Variants in TFDP2 observed in about 807,000 individuals in gnomAD.
The protein encoded by TFDP2 is transcription factor Dp-2.
TFDP2 carries 17 observed loss-of-function variants against 59.3 expected under a neutral mutation model. That is an observed-to-expected ratio of 0.29 (90% CI 0.20 to 0.43). TFDP2 has a LOEUF of 0.43. Among genes scored for constraint, TFDP2 ranks in the 20% least tolerant of loss-of-function variants. TFDP2 has a pLI of 1.00. For missense variants in TFDP2, 391 were observed against 528.8 expected (o/e 0.74, Z 2.56); for synonymous variants, 180 against 194.7 (o/e 0.92, Z 0.63).
intron 10 of TFDP2, among the ~76,000 whole-genome samples, chr3:141,962,518 C>T (rs1937494314): frequency 6.6e-6 from 1 of 152,102 alleles, no homozygotes; most frequent in South Asian, 2.1e-4. Flanking sequence ...GCCACCAAGC[C>T]TGGCTAATTT....
At chr3:142,022,314 C>T (rs1945678882) in intron 3 of TFDP2, among the ~76,000 whole-genome samples, 1 of 152,222 alleles carries the variant, frequency 6.6e-6, no homozygotes, top group African/African-American at 2.4e-5. Context: ...TCTGGTAAGA[C>T]TCTTTGTTCA....
intron 2 of TFDP2, among the ~76,000 whole-genome samples, chr3:142,096,223 G>A (rs1226516538): frequency 6.6e-6 from 1 of 152,060 alleles, no homozygotes; most frequent in Admixed American, 6.6e-5. Context: ...TGTATTTAAA[G>A]CTTATATATA....
chr3:142,108,268 G>A (rs1399527144), intron 1 of TFDP2, among the ~76,000 whole-genome samples: 1 of 151,348 alleles, frequency 6.6e-6, no homozygotes, highest in African/African-American at 2.4e-5. Context: ...GGACTGCAGT[G>A]GCGTGATCTT....
chr3:142,045,612 C>T, intron 3 of TFDP2, among the ~76,000 whole-genome samples: 1 of 132,000 alleles, frequency 7.6e-6, no homozygotes. Context: ...TATTATTTGA[C>T]TTTTTTTTTT....
intron 6 of TFDP2, among the ~76,000 whole-genome samples, chr3:141,989,994 A>T (rs1942579447): frequency 6.6e-6 from 1 of 151,826 alleles, no homozygotes; most frequent in African/African-American, 2.4e-5. Context: ...CCTGGGTTCA[A>T]GCAATTCTTG....
intron 3 of TFDP2, among the ~76,000 whole-genome samples, chr3:142,015,960 A>G (rs990163384): frequency 1.3e-5 from 2 of 152,184 alleles, no homozygotes; most frequent in African/African-American, 4.8e-5. Flanking sequence ...AAACTATAAA[A>G]TATCTGACTA....
intron 4 of TFDP2, among the ~76,000 whole-genome samples, chr3:142,003,904 T>C (rs895258784): frequency 1.3e-5 from 2 of 152,172 alleles, no homozygotes; most frequent in Non-Finnish European, 2.9e-5. Flanking sequence ...AATTGGGGTA[T>C]AGCAGCATTA....
At chr3:141,969,791 C>CA (rs1411836870) in intron 9 of TFDP2, among the ~76,000 whole-genome samples, 2 of 152,200 alleles carry the variant, frequency 1.3e-5, no homozygotes, top group Non-Finnish European at 2.9e-5. Context: ...AGACCCCTGA[C>CA]AGTTTATGTT....
chr3:142,099,386 T>C (rs2061256052), intron 2 of TFDP2, among the ~76,000 whole-genome samples: 1 of 152,122 alleles, frequency 6.6e-6, no homozygotes, highest in African/African-American at 2.4e-5. Context: ...TGTAGTCCCA[T>C]TGCTTTACAA....
Position 141,983,585 on chromosome 3 carries a change from C to T in TFDP2, c.357-4903G>A, listed in dbSNP as rs539755621. Among the ~76,000 whole-genome samples, 52 of 149,470 alleles carry T rather than the reference C, an allele frequency of 3.5e-4. No homozygotes were observed. In the South Asian group the frequency reaches 0.01, roughly 30 times the overall value. ...CCTGGGAGGCAAAGGTTGCAGTTCA[C>T]GCCATCACACGCCAGCCTGGGAGTG... is the stretch of plus-strand genomic sequence containing the variant. On this transcript the variant is annotated intron_variant, in intron 6 of 12. Coordinates refer to ENST00000489671, the MANE Select transcript of TFDP2 (RefSeq NM_001178139.2).
intron 8 of TFDP2, among the ~76,000 whole-genome samples, chr3:141,971,579 C>T (rs11569243): frequency 0.075 from 11,456 of 151,772 alleles, 571 homozygotes; most frequent in African/African-American, 0.14. Context: ...TTTATAGGAG[C>T]CCATTGGTTT....
intron 3 of TFDP2, among the ~76,000 whole-genome samples, chr3:142,087,487 T>C (rs2060838594): frequency 6.6e-6 from 1 of 151,834 alleles, no homozygotes; most frequent in Admixed American, 6.6e-5. Context: ...TTCTTATTAT[T>C]TCACATACTT....
chr3:142,121,005 T>C lies in TFDP2; in HGVS notation c.-92-19164A>G, dbSNP rs1156504394. Among the ~76,000 whole-genome samples the C allele has an allele frequency of 6.6e-6, 1 of 151,802 alleles. No individual in the cohort carries two copies. The highest frequency in any genetic ancestry group is 2.4e-5 in the African/African-American group (1 of 41,326). On this transcript the variant is annotated intron_variant, in intron 1 of 12. Coordinates refer to ENST00000489671, the MANE Select transcript of TFDP2 (RefSeq NM_001178139.2). This position sits in a 1 kb window ranked among gnomAD's most constrained non-coding sequence, Gnocchi z 4.3. ...CATCAGACAGAGCCATCTGCAGATA[T>C]TGGGAACTCAATGAAAGAGGCAGCT...
chr3:142,091,817 A>G (rs1433345409), intron 3 of TFDP2, among the ~76,000 whole-genome samples: 1 of 152,248 alleles, frequency 6.6e-6, no homozygotes, highest in East Asian at 1.9e-4. Context: ...GCAGTTCACA[A>G]TAGGGTTCGC....
chr3:142,104,958 G>T (rs543227157), intron 1 of TFDP2, among the ~76,000 whole-genome samples: 10 of 152,152 alleles, frequency 6.6e-5, no homozygotes, highest in African/African-American at 2.4e-4. Context: ...CTTTGGCTCC[G>T]TCTCAGCTCT....
Position 142,108,399 on chromosome 3 carries a change from G to A in TFDP2, c.-92-6558C>T, listed in dbSNP as rs191046014. Among the ~76,000 whole-genome samples, 21 of 152,000 alleles carry A rather than the reference G, an allele frequency of 1.4e-4. No individual in the cohort carries two copies. The East Asian group carries it at 2.1e-3, about 15-fold the overall frequency. On this transcript the variant is annotated intron_variant, in intron 1 of 12. Coordinates refer to ENST00000489671, the MANE Select transcript of TFDP2 (RefSeq NM_001178139.2). ...TAATTTTCTTATTTTTAGTAGAGAC[G>A]GGGTTTCACCATGTTGGCCAGGCTG... is the stretch of plus-strand genomic sequence containing the variant.
intron 11 of TFDP2, among the ~76,000 whole-genome samples, chr3:141,958,949 T>C (rs1330694979): frequency 8.5e-6 from 1 of 117,854 alleles, no homozygotes; most frequent in Non-Finnish European, 1.9e-5. Flanking sequence ...TGTACCTACT[T>C]TTTTTTTTTT....
At chr3:142,097,363 A>C (rs2061192652) in intron 2 of TFDP2, among the ~76,000 whole-genome samples, 1 of 152,194 alleles carries the variant, frequency 6.6e-6, no homozygotes, top group South Asian at 2.1e-4. Context: ...AATATTAGGA[A>C]ACTGGTGTAA....
At chr3:142,112,081 A>G (rs889321441) in intron 1 of TFDP2, among the ~76,000 whole-genome samples, 1 of 152,180 alleles carries the variant, frequency 6.6e-6, no homozygotes, top group Admixed American at 6.6e-5. Context: ...AAAAAAATTA[A>G]ATCAGATGAG....
Sources: gnomAD v4.1 joint callset for allele counts (sites outside exome capture counted in the v4.1 genomes callset) on GRCh38, gnomAD v4.1.1 for gene constraint, Gnocchi (gnomAD v3.1) non-coding constraint, MANE v1.5 for transcripts, NCBI Gene and HGNC (gene_info 2026-07-23, HGNC 2026-07-21) for gene names.